Variants in ANXA9 observed in about 807,000 individuals in gnomAD.
ANXA9 encodes annexin A9, also known as annexin 31.
ANXA9 carries 47 observed loss-of-function variants against 51.8 expected under a neutral mutation model. The observed-to-expected ratio is 0.91, with a 90% CI of 0.72 to 1.16. The LOEUF (loss-of-function observed/expected upper bound fraction) is 1.16. Among genes scored for constraint, ANXA9 ranks in the 50% most tolerant of loss-of-function variants. The pLI is 0.00. For missense variants in ANXA9, 361 were observed against 424.7 expected (o/e 0.85, Z 1.32); for synonymous variants, 154 against 168.7 (o/e 0.91, Z 0.68).
chr1:150,988,464 AG>A, intron 12 of ANXA9, 123 bp downstream of exon 12: 4 of 1,203,298 alleles, frequency 3.3e-6, no homozygotes, highest in Non-Finnish European at 3.6e-6. Context: ...TCTCCTTCCC[AG>A]GGCTTACACA....
At chr1:150,979,647 G>T (rs1406543443), upstream of ANXA9, among the ~76,000 whole-genome samples, 3 of 152,188 alleles carry the variant, frequency 2.0e-5, no homozygotes, top group Non-Finnish European at 4.4e-5. Context: ...CCACTAGGGG[G>T]CTCGAGACTC....
chr1:150,988,844 TAC>T (rs587636604), intron 12 of ANXA9, among the ~76,000 whole-genome samples: 116 of 152,160 alleles, frequency 7.6e-4, no homozygotes, highest in Middle Eastern at 6.8e-3. Flanking sequence ...TAGTAAGTTA[TAC>T]AGTCTCCCTA....
chr1:150,994,551 C>A, intron 12 of ANXA9, 26 bp from the exon 13 acceptor site: 1 of 1,612,758 alleles, frequency 6.2e-7, no homozygotes, highest in Non-Finnish European at 8.5e-7. Context: ...CACTAACTAC[C>A]CCCCATCTCT....
chr1:150,979,439 C>T (rs587712677), upstream of ANXA9, among the ~76,000 whole-genome samples: 2 of 152,282 alleles, frequency 1.3e-5, no homozygotes, highest in South Asian at 4.1e-4. Flanking sequence ...AGCCTAACTG[C>T]GGTCACCCAG....
intron 12 of ANXA9, among the ~76,000 whole-genome samples, chr1:150,989,206 T>C (rs913539908): frequency 6.6e-6 from 1 of 151,866 alleles, no homozygotes; most frequent in Admixed American, 6.6e-5. Context: ...CTCAAACTCC[T>C]GACCTCAGGT....
Position 150,988,169 on chromosome 1 carries a change from T to C in ANXA9, c.776T>C (p.Val259Ala), listed in dbSNP as rs77936236. The C allele has an allele frequency of 7.1e-5, 114 of 1,614,198 alleles. No individual in the cohort carries two copies. The highest frequency in any genetic ancestry group is 9.6e-5 in the Non-Finnish European group (113 of 1,180,038). The change falls in exon 11 of 14, where the codon GTG becomes GCG. Residue 259 changes from valine (V) to alanine (A), a missense_variant. Transcript: ENST00000368947. ...AACCGTTTCCATGGAGATGCTCAGG[T>C]GGCTCTGCTCGGCCTAGGTAGGGGC... ...VQNRFHGDAQ[V>A]ALLGLASVIK...
chr1:150,986,765 C>A, intron 9 of ANXA9, 104 bp downstream of exon 9: 2 of 1,151,150 alleles, frequency 1.7e-6, no homozygotes, highest in Non-Finnish European at 2.5e-6. Flanking sequence ...TTCCCGCAAA[C>A]CCATCCCTGC....
chr1:150,988,137 T>A lies in ANXA9; in HGVS notation c.744T>A (p.Ala248=). 6.2e-7 allele frequency: 1 copy of A among 1,614,216 alleles called. No individual in the cohort carries two copies. The highest frequency in any genetic ancestry group is 1.1e-5 in the South Asian group (1 of 91,084). The part of the protein sequence containing the change: ...QRSTGQELEE[A]VQNRFHGDAQ... ...GCACTGGGCAAGAGCTGGAGGAGGC[T>A]GTCCAGAACCGTTTCCATGGAGATG... Residue 248 remains alanine, a synonymous_variant, in exon 11 of 14, where the codon GCT becomes GCA. Coordinates refer to ENST00000368947, the MANE Select transcript of ANXA9 (RefSeq NM_003568.3).
In ANXA9 at chr1:150,984,308, C is replaced by G. The variant is rs888533905; in HGVS notation, c.295C>G (p.Leu99Val). ...CCTGATGAAGTCTCTACAGGCAGCA[C>G]TTTCCGGCAACCTGGAGAGGATTGT... ...QDLMKSLQAA[L>V]SGNLERIVMA... Residue 99 changes from leucine (L) to valine (V), a missense_variant, in exon 6 of 14, where the codon CTT becomes GTT. Transcript: ENST00000368947. 2.5e-6 allele frequency: 4 copies of G among 1,614,060 alleles called. No homozygotes were observed. The African/African-American group carries it at 5.3e-5, about 22-fold the overall frequency.
intron 4 of ANXA9, among the ~76,000 whole-genome samples, 164 bp from the exon 5 acceptor site, chr1:150,983,811 A>T (rs1456686070): frequency 6.6e-6 from 1 of 152,160 alleles, no homozygotes; most frequent in African/African-American, 2.4e-5. Context: ...CTGTTTTGAC[A>T]TTTTATTTGC....
At chr1:150,986,735 G>A (rs587669417) in intron 9 of ANXA9, 74 bp downstream of exon 9, 52 of 1,441,410 alleles carry the variant, frequency 3.6e-5, no homozygotes, top group Non-Finnish European at 4.6e-5. Context: ...TCTTAGAGCC[G>A]GTGACCTACG....
At position 150,986,254 on chromosome 1, in the gene ANXA9, G is replaced by C. The variant is rs189634639; in HGVS notation, c.473-82G>C. 208 of 1,245,544 alleles carry C rather than the reference G, an allele frequency of 1.7e-4. 2 individuals are homozygous for C. The East Asian group carries it at 3.4e-3, about 21-fold the overall frequency. The allele number at this position is 1,245,544 out of a possible 1,614,324, so 77.2% of individuals were successfully genotyped here. ...GCTAGCAGGGCTGGCAGGGTATAGC[G>C]GGTCAGGCATTTGGCAGGTCCTGGG... is the stretch of plus-strand genomic sequence containing the variant. On this transcript the variant is annotated intron_variant, in intron 7 of 13. Coordinates refer to ENST00000368947, the MANE Select transcript of ANXA9 (RefSeq NM_003568.3).
upstream of ANXA9, among the ~76,000 whole-genome samples, chr1:150,980,812 C>T (rs912213645): frequency 6.6e-5 from 10 of 152,094 alleles, no homozygotes. Context: ...GATCTCCTGC[C>T]TCATGATCCA....
In ANXA9 at chr1:150,986,799, T is replaced by C. The variant is rs1031033399; in HGVS notation, c.612+138T>C. The C allele has an allele frequency of 1.1e-5, 9 of 836,596 alleles. No homozygotes were observed. The Admixed American group carries it at 2.7e-4, about 25-fold the overall frequency. The allele number at this position is 836,596 out of a possible 1,614,324, so 51.8% of individuals were successfully genotyped here. A position where few individuals can be genotyped will look rare whatever the true frequency, so the allele number is the denominator to read the frequency against. On this transcript the variant is annotated intron_variant, in intron 9 of 13. Transcript: ENST00000368947. ...GCCTTGGAGAGGGAGTTCTCAGTTATGTGGTAGGGGCAGGAGGTGTCAGGT... is the reference window on the plus strand; with the variant it reads ...GCCTTGGAGAGGGAGTTCTCAGTTACGTGGTAGGGGCAGGAGGTGTCAGGT...
Position 150,986,608 on chromosome 1 carries a change from C to G in ANXA9, c.559C>G (p.Arg187Gly), listed in dbSNP as rs914473154. The change falls in exon 9 of 14, where the codon CGT becomes GGT. Residue 187 changes from arginine (R) to glycine (G), a missense_variant. Arg to Gly is a moderately radical substitution (Grantham distance 125). Coordinates refer to ENST00000368947, the MANE Select transcript of ANXA9 (RefSeq NM_003568.3). Reference protein sequence around the residue: ...DLLLALAKGGRDSYSGIIDYN... With the variant: ...DLLLALAKGGGDSYSGIIDYN... Reference sequence around the variant, plus strand: ...GAACAGTTTCTCCTCCTAGGGGGGCCGTGACAGCTACTCTGGAATCATTGA... The same window carrying G: ...GAACAGTTTCTCCTCCTAGGGGGGCGGTGACAGCTACTCTGGAATCATTGA... The G allele has an allele frequency of 4.4e-6, 7 of 1,607,714 alleles. No individual in the cohort carries two copies. Among genetic ancestry groups the G allele is most frequent in the Non-Finnish European group, 5.9e-6 (7 of 1,178,220 alleles).
chr1:150,994,464 T>C, intron 12 of ANXA9, 113 bp from the exon 13 acceptor site: 2 of 1,501,128 alleles, frequency 1.3e-6, no homozygotes, highest in Non-Finnish European at 9.1e-7. Flanking sequence ...TACACTCTTA[T>C]CCCTTGACTC....
In ANXA9 at chr1:150,983,119, G is replaced by T. The variant is rs762765394; in HGVS notation, c.14G>T (p.Gly5Val). 3 of 1,614,084 alleles carry T rather than the reference G, an allele frequency of 1.9e-6. No individual in the cohort carries two copies. The highest frequency in any genetic ancestry group is 2.5e-6 in the Non-Finnish European group (3 of 1,179,958). ...ACCAGTAGCACCATGTCTGTGACTG[G>T]CGGGAAGATGGCACCGTCCCTCACC... MSVT[G>V]GKMAPSLTQE... Residue 5 changes from glycine to valine, a missense_variant, in exon 3 of 14, where the codon GGC becomes GTC. Physicochemically the swap from Gly to Val is moderately radical, Grantham distance 109 (BLOSUM62 -3). Transcript: ENST00000368947.
chr1:150,992,087 GAT>G (rs1671718791), intron 12 of ANXA9, among the ~76,000 whole-genome samples: 1 of 152,134 alleles, frequency 6.6e-6, no homozygotes, highest in East Asian at 1.9e-4. Flanking sequence ...TTTTATGAGA[GAT>G]ATGTAGATAT....
rs200060038 is a variant in ANXA9, at chr1:150,983,305, C to G, written c.76-33C>G. ...CTGAGGAGGTGTAGGCAGCCTGGCC[C>G]TGGCCCTTGCCAACTACCCTGTGCT... On this transcript the variant is annotated intron_variant, in intron 3 of 13. Transcript: ENST00000368947. 1.6e-4 allele frequency: 258 copies of G among 1,610,550 alleles called. No individual in the cohort carries two copies. The African/African-American group carries it at 3.1e-3, about 19-fold the overall frequency.
Sources: allele counts gnomAD v4.1 joint callset (sites outside exome capture counted in the v4.1 genomes callset), GRCh38; gene constraint gnomAD v4.1.1; transcripts MANE v1.5; gene names NCBI Gene and HGNC (gene_info 2026-07-23, HGNC 2026-07-21).